The following SYTL3 variants were observed in gnomAD, a reference collection of about 807,000 sequenced individuals.
SYTL3 encodes synaptotagmin-like protein 3.
SYTL3 carries 88 observed loss-of-function variants against 82.1 expected under a neutral mutation model. The observed-to-expected ratio is 1.07, with a 90% CI of 0.90 to 1.28. The LOEUF is 1.28. SYTL3 is among the 50% of genes most tolerant of loss of function. The pLI is 0.00. For synonymous variants in SYTL3, 311 were observed against 289.4 expected (o/e 1.07, Z -0.76); for missense variants, 831 against 757.6 (o/e 1.10, Z -1.14).
intron 9 of SYTL3, among the ~76,000 whole-genome samples, chr6:158,715,627 A>ACACACAC (rs1562414100): frequency 1.3e-4 from 16 of 122,530 alleles, no homozygotes; most frequent in Admixed American, 2.3e-4. Flanking sequence ...GCACGCACCC[A>ACACACAC]GCACCCCCCA....
Position 158,762,441 on chromosome 6 carries a change from T to C in SYTL3, c.1517+263T>C, listed in dbSNP as rs567570450. Among the ~76,000 whole-genome samples the C allele has an allele frequency of 4.6e-5, 7 of 152,222 alleles. No individual in the cohort carries two copies. The East Asian group carries it at 1.3e-3, about 29-fold the overall frequency. On this transcript the variant is annotated intron_variant, in intron 16 of 17. Transcript: ENST00000611299. ...TTTGAAATCAAGCATGAAAATGTGG[T>C]GTGGTCAGTAAATATTTCCTAAGCT...
At chr6:158,751,881 C>A in intron 12 of SYTL3, 47 bp from the exon 13 acceptor site, 1 of 1,408,162 alleles carries the variant, frequency 7.1e-7, no homozygotes, top group Non-Finnish European at 9.7e-7. Flanking sequence ...CTTTATCCAC[C>A]CCTTTCCCTG....
At chr6:158,693,833 A>G in intron 6 of SYTL3, among the ~76,000 whole-genome samples, 1 of 99,990 alleles carries the variant, frequency 1.0e-5, no homozygotes, top group African/African-American at 4.3e-5. Flanking sequence ...GTGCCACTGC[A>G]TCCAGCCTTT....
chr6:158,743,479 C>A (rs1409900465), intron 11 of SYTL3, among the ~76,000 whole-genome samples: 1 of 142,276 alleles, frequency 7.0e-6, no homozygotes, highest in Non-Finnish European at 1.6e-5. Context: ...TTAGCTTCTC[C>A]GTTCATCTAC....
chr6:158,663,510 T>C, intron 4 of SYTL3, 132 bp downstream of exon 4: 1 of 1,465,466 alleles, frequency 6.8e-7, no homozygotes, highest in African/African-American at 1.4e-5. Flanking sequence ...CTGAGAAGGG[T>C]CCTAACGAAG....
intron 8 of SYTL3, among the ~76,000 whole-genome samples, chr6:158,711,462 A>T (rs535027747): frequency 1.3e-5 from 2 of 152,262 alleles, no homozygotes; most frequent in South Asian, 4.2e-4. Context: ...CCATCTGCAA[A>T]CTGGAGACCC....
intron 6 of SYTL3, among the ~76,000 whole-genome samples, chr6:158,697,487 T>C (rs1339698109): frequency 6.6e-6 from 1 of 151,968 alleles, no homozygotes; most frequent in Non-Finnish European, 1.5e-5. Context: ...GATCTGATAA[T>C]GATTTCTTAG....
At chr6:158,692,873 C>T (rs1780059186) in intron 6 of SYTL3, among the ~76,000 whole-genome samples, 1 of 151,986 alleles carries the variant, frequency 6.6e-6, no homozygotes, top group Admixed American at 6.6e-5. Flanking sequence ...ATGGCATGAA[C>T]CTGGGAGGTG....
chr6:158,682,399 G>A (rs1266878763), intron 5 of SYTL3, among the ~76,000 whole-genome samples: 3 of 116,604 alleles, frequency 2.6e-5, no homozygotes, highest in East Asian at 2.6e-4. Context: ...TGGCTCTGCC[G>A]CCCAGGCTGG....
intron 7 of SYTL3, among the ~76,000 whole-genome samples, chr6:158,708,053 C>T (rs1311655491): frequency 1.3e-5 from 2 of 152,174 alleles, no homozygotes; most frequent in African/African-American, 4.8e-5. Context: ...CAGGCCGGAG[C>T]ACCCAGGCTG....
chr6:158,724,678 C>G (rs1158512447), intron 10 of SYTL3, among the ~76,000 whole-genome samples: 1 of 152,216 alleles, frequency 6.6e-6, no homozygotes, highest in Non-Finnish European at 1.5e-5. Context: ...TCATGTGTGG[C>G]TAGTGACTAC....
chr6:158,711,144 C>T (rs1782723678), intron 8 of SYTL3, among the ~76,000 whole-genome samples: 1 of 152,214 alleles, frequency 6.6e-6, no homozygotes, highest in South Asian at 2.1e-4. Flanking sequence ...CCAGTCGTTG[C>T]AATTAAGCCA....
chr6:158,734,389 G>A (rs573136627), intron 11 of SYTL3, among the ~76,000 whole-genome samples: 2 of 151,950 alleles, frequency 1.3e-5, no homozygotes, highest in Admixed American at 6.6e-5. Context: ...AGCCAAGTAC[G>A]TGGGCTTGGA....
At chr6:158,675,282 C>T (rs776378466) in intron 5 of SYTL3, among the ~76,000 whole-genome samples, 1 of 152,158 alleles carries the variant, frequency 6.6e-6, no homozygotes, top group Non-Finnish European at 1.5e-5. Flanking sequence ...CCTGCCTTCT[C>T]TCTGAGGTTA....
intron 5 of SYTL3, among the ~76,000 whole-genome samples, chr6:158,680,964 G>T (rs547086780): frequency 4.2e-4 from 64 of 152,244 alleles, no homozygotes; most frequent in African/African-American, 1.5e-3. Context: ...ATATATTTGT[G>T]ATTTTACTTA....
intron 10 of SYTL3, among the ~76,000 whole-genome samples, chr6:158,720,377 G>A (rs867403682): frequency 1.9e-4 from 27 of 143,338 alleles, no homozygotes; most frequent in South Asian, 9.1e-4. Context: ...ATACGCTCCA[G>A]CCTGGGTGAC....
At chr6:158,757,025 A>G (rs1271767838) in intron 13 of SYTL3, among the ~76,000 whole-genome samples, 186 bp from the exon 14 acceptor site, 1 of 145,792 alleles carries the variant, frequency 6.9e-6, no homozygotes, top group Admixed American at 6.8e-5. Flanking sequence ...CCTGGCTGTA[A>G]GCACCTTGAC....
chr6:158,656,747 T>C (rs754527077), intron 2 of SYTL3, among the ~76,000 whole-genome samples: 11 of 151,832 alleles, frequency 7.2e-5, no homozygotes, highest in Non-Finnish European at 2.9e-5. Context: ...ATCATCCACC[T>C]TACTCCCTTA....
At chr6:158,694,021 C>T (rs191097195) in intron 6 of SYTL3, among the ~76,000 whole-genome samples, 2 of 151,942 alleles carry the variant, frequency 1.3e-5, no homozygotes, top group African/African-American at 4.8e-5. Flanking sequence ...AAGGTGGATC[C>T]TATTCTTGAA....
Sources: gnomAD v4.1 joint callset for allele counts (sites outside exome capture counted in the v4.1 genomes callset) on GRCh38, gnomAD v4.1.1 for gene constraint, MANE v1.5 for transcripts, NCBI Gene and HGNC (gene_info 2026-07-23, HGNC 2026-07-21) for gene names.